The following CTNNA3 variants were observed in gnomAD, a reference collection of about 807,000 sequenced individuals.
CTNNA3 encodes catenin alpha-3.
In CTNNA3, 76 loss-of-function variants were observed where a neutral mutation model predicts 95.7. That is an observed-to-expected ratio of 0.79 (90% CI 0.66 to 0.96). The LOEUF (loss-of-function observed/expected upper bound fraction) is 0.96. Ranked by LOEUF, CTNNA3 falls within the 40% of genes least tolerant of loss-of-function variation. CTNNA3 has a pLI of 0.00. For synonymous variants in CTNNA3, 431 were observed against 374.4 expected, an observed-to-expected ratio of 1.15 and a Z score of -1.74; for missense variants, 1,191 against 1,089.8, an observed-to-expected ratio of 1.09 and a Z score of -1.31.
chr10:66,490,518 T>A (rs997052502), intron 11 of CTNNA3, among the ~76,000 whole-genome samples: 1 of 152,228 alleles, frequency 6.6e-6, no homozygotes, highest in Non-Finnish European at 1.5e-5. Context: ...TATGATCTTA[T>A]ACAGGTTAAA....
chr10:66,335,745 T>A (rs371748490), intron 12 of CTNNA3, among the ~76,000 whole-genome samples: 9 of 152,232 alleles, frequency 5.9e-5, no homozygotes, highest in East Asian at 3.9e-4. Flanking sequence ...GAACCACTAC[T>A]CTCTTTAAAC....
At position 65,979,643 on chromosome 10, in the gene CTNNA3, C is replaced by T. The variant is rs143472260; in HGVS notation, c.2265+9049G>A. 2.3e-4 allele frequency among the ~76,000 whole-genome samples: 35 copies of T among 152,024 alleles called. 1 individual carries two copies. Among genetic ancestry groups the T allele is most frequent in the African/African-American group, 8.0e-4 (33 of 41,416 alleles). On this transcript the variant is annotated intron_variant, in intron 16 of 17. Coordinates refer to ENST00000433211, the MANE Select transcript of CTNNA3 (RefSeq NM_013266.4). ...CTCCTTCCACCTAGACCCTAAAACA[C>T]TTTATTTTTTGGTTACATAGTTTTG...
chr10:66,902,239 A>C (rs1431775570), intron 7 of CTNNA3, among the ~76,000 whole-genome samples: 1 of 152,192 alleles, frequency 6.6e-6, no homozygotes, highest in Non-Finnish European at 1.5e-5. Context: ...ACTCAAAACC[A>C]CACAGCTACA....
At chr10:67,296,900 C>G (rs370347972) in intron 5 of CTNNA3, among the ~76,000 whole-genome samples, 7 of 131,258 alleles carry the variant, frequency 5.3e-5, no homozygotes, top group African/African-American at 2.2e-4. Context: ...CACCATTGCA[C>G]TCCAGCCTGG....
intron 7 of CTNNA3, chr10:66,928,037 C>G (rs769251127): frequency 2.0e-5 from 33 of 1,613,982 alleles, no homozygotes; most frequent in Non-Finnish European, 2.8e-5. Flanking sequence ...CTGGCCAGGG[C>G]TCTCCCAAAG....
At chr10:66,830,309 T>C (rs1223029104) in intron 7 of CTNNA3, among the ~76,000 whole-genome samples, 1 of 152,172 alleles carries the variant, frequency 6.6e-6, no homozygotes, top group Non-Finnish European at 1.5e-5. Context: ...TGTGTACCAA[T>C]AAGGATTAAA....
intron 9 of CTNNA3, among the ~76,000 whole-genome samples, chr10:66,634,198 TG>T (rs1222341988): frequency 6.6e-6 from 1 of 152,180 alleles, no homozygotes; most frequent in Non-Finnish European, 1.5e-5. Flanking sequence ...TATACCTGTA[TG>T]TGAATTTTTA....
At chr10:67,140,238 G>A (rs1860492197) in intron 7 of CTNNA3, among the ~76,000 whole-genome samples, 1 of 152,084 alleles carries the variant, frequency 6.6e-6, no homozygotes, top group Admixed American at 6.5e-5. Flanking sequence ...TTCTTTATAA[G>A]ATGGTTTTAT....
intron 10 of CTNNA3, among the ~76,000 whole-genome samples, chr10:66,535,733 CTG>C (rs1457315300): frequency 1.3e-5 from 2 of 152,070 alleles, no homozygotes; most frequent in African/African-American, 4.8e-5. Context: ...AGGGAGAAGT[CTG>C]TATTTCTCCA....
intron 7 of CTNNA3, among the ~76,000 whole-genome samples, chr10:67,091,216 A>G (rs760835920): frequency 1.4e-4 from 22 of 152,112 alleles, no homozygotes; most frequent in Non-Finnish European, 2.8e-4. Context: ...ATCAGCTTAT[A>G]TAAATGAAAC....
At chr10:66,982,676 A>G (rs1850508464) in intron 7 of CTNNA3, among the ~76,000 whole-genome samples, 1 of 152,264 alleles carries the variant, frequency 6.6e-6, no homozygotes, top group African/African-American at 2.4e-5. Context: ...AAAAGAGATC[A>G]ATGAATAGAT....
At chr10:66,799,559 T>TG (rs1473428958) in intron 7 of CTNNA3, among the ~76,000 whole-genome samples, 1 of 151,474 alleles carries the variant, frequency 6.6e-6, no homozygotes, top group Admixed American at 6.6e-5. Flanking sequence ...ATATTTAAAC[T>TG]GAAGCATTGT....
chr10:65,997,732 A>G (rs1400561537), intron 15 of CTNNA3, among the ~76,000 whole-genome samples: 1 of 151,148 alleles, frequency 6.6e-6, no homozygotes, highest in African/African-American at 2.4e-5. Flanking sequence ...GTAAAAGAAA[A>G]ACGTCCGGGA....
At chr10:66,744,977 A>C (rs4433471) in intron 9 of CTNNA3, among the ~76,000 whole-genome samples, 76,789 of 151,998 alleles carry the variant, frequency 0.51, 19,664 homozygotes, top group African/African-American at 0.58. Flanking sequence ...TGTTTTAACT[A>C]CACTAACACA....
At chr10:67,641,582 C>T (rs1839534657) in intron 2 of CTNNA3, among the ~76,000 whole-genome samples, 2 of 152,122 alleles carry the variant, frequency 1.3e-5, no homozygotes, top group South Asian at 4.2e-4. Flanking sequence ...GCACTATTCA[C>T]AATAGCAAAG....
intron 5 of CTNNA3, among the ~76,000 whole-genome samples, chr10:67,322,096 A>G (rs1213257673): frequency 1.4e-5 from 2 of 142,260 alleles, no homozygotes; most frequent in East Asian, 4.1e-4. Flanking sequence ...CATGGGGAGA[A>G]AAGTCCATGC....
rs1858587471 is a variant in CTNNA3, at chr10:67,105,587, T to C, written c.1047+74730A>G. Among the ~76,000 whole-genome samples the C allele has an allele frequency of 3.3e-5, 5 of 152,258 alleles. No homozygotes were observed. The South Asian group carries it at 1.0e-3, about 32-fold the overall frequency. On this transcript the variant is annotated intron_variant, in intron 7 of 17. Transcript: ENST00000433211. ...TTCAATTACAGATCCATAAATATAATGCCCTAAACAGTCTGATGAAAATGT... is the reference window on the plus strand; with the variant it reads ...TTCAATTACAGATCCATAAATATAACGCCCTAAACAGTCTGATGAAAATGT...
intron 7 of CTNNA3, among the ~76,000 whole-genome samples, chr10:66,807,125 C>T (rs775231031): frequency 3.3e-5 from 5 of 151,934 alleles, no homozygotes; most frequent in Non-Finnish European, 7.4e-5. Flanking sequence ...ATGATGAGGC[C>T]AAAAGTTTGT....
intron 2 of CTNNA3, among the ~76,000 whole-genome samples, chr10:67,631,452 G>T (rs1839141462): frequency 6.6e-6 from 1 of 152,172 alleles, no homozygotes; most frequent in African/African-American, 2.4e-5. Context: ...AAATTAAAAT[G>T]TAATTTTGAC....
Sources: allele counts gnomAD v4.1 joint callset (sites outside exome capture counted in the v4.1 genomes callset), GRCh38; gene constraint gnomAD v4.1.1; transcripts MANE v1.5; gene names NCBI Gene and HGNC (gene_info 2026-07-23, HGNC 2026-07-21).